The following RAB28 variants were observed in gnomAD, a reference collection of about 807,000 sequenced individuals.
RAB28 encodes ras-related protein Rab-28.
RAB28 carries 24 observed loss-of-function variants against 31.7 expected under a neutral mutation model. The observed-to-expected ratio is 0.76, with a 90% CI of 0.55 to 1.06. The LOEUF (loss-of-function observed/expected upper bound fraction) is 1.06. Among genes scored for constraint, RAB28 ranks in the 50% least tolerant of loss-of-function variants. The pLI is 0.00. For synonymous variants in RAB28, 100 were observed against 90.4 expected, an observed-to-expected ratio of 1.11 and a Z score of -0.60; for missense variants, 254 against 258.5, an observed-to-expected ratio of 0.98 and a Z score of 0.12.
intron 4 of RAB28, among the ~76,000 whole-genome samples, chr4:13,393,237 C>T (rs187904211): frequency 6.6e-6 from 1 of 152,262 alleles, no homozygotes; most frequent in African/African-American, 2.4e-5. Flanking sequence ...GAAAGTGATG[C>T]TTCAGTTACA....
chr4:13,449,265 T>C (rs1007309196), intron 4 of RAB28, among the ~76,000 whole-genome samples: 2 of 151,936 alleles, frequency 1.3e-5, no homozygotes, highest in African/African-American at 4.8e-5. Flanking sequence ...TTCACATGTC[T>C]ATTTTACAGA....
At chr4:13,460,625 G>C in intron 4 of RAB28, 74 bp downstream of exon 4, 1 of 1,572,418 alleles carries the variant, frequency 6.4e-7, no homozygotes, top group Non-Finnish European at 8.7e-7. Context: ...ATTGGGGGTG[G>C]TGGGGGGACA....
At chr4:13,371,336 C>T in intron 6 of RAB28, 3 of 985,232 alleles carry the variant, frequency 3.0e-6, no homozygotes, top group Non-Finnish European at 3.6e-6. Context: ...CATTATCTAA[C>T]CTCCCCAAAC....
chr4:13,472,241 G>A (rs1045099640), intron 3 of RAB28, among the ~76,000 whole-genome samples: 3 of 151,876 alleles, frequency 2.0e-5, no homozygotes, highest in African/African-American at 7.2e-5. Context: ...TCAAAATCCT[G>A]GGCTCAAGTG....
At chr4:13,453,177 G>A (rs957617938) in intron 4 of RAB28, among the ~76,000 whole-genome samples, 1 of 151,934 alleles carries the variant, frequency 6.6e-6, no homozygotes, top group Admixed American at 6.6e-5. Context: ...GTTTCTGGTA[G>A]GCAGCATATG....
At chr4:13,409,290 C>A (rs1432062372) in intron 4 of RAB28, among the ~76,000 whole-genome samples, 2 of 152,158 alleles carry the variant, frequency 1.3e-5, no homozygotes, top group East Asian at 1.9e-4. Context: ...AAAAGGTGCT[C>A]AAATTTCACA....
At position 13,368,075 on chromosome 4, in the gene RAB28, C is replaced by T. The variant is rs890823119; in HGVS notation, c.*483G>A. The T allele has an allele frequency of 3.0e-5, 29 of 977,940 alleles. No homozygotes were observed. The highest frequency in any genetic ancestry group is 3.2e-5 in the Non-Finnish European group (26 of 823,288). 60.6% of individuals were successfully genotyped at this position (977,940 alleles called of 1,614,324 possible). On this transcript the variant is annotated 3_prime_UTR_variant, in exon 7 of 7. Coordinates refer to ENST00000330852, the MANE Select transcript of RAB28 (RefSeq NM_001017979.3). ...AAACAGCTTTATATACTTTTACTCA[C>T]GATAGCGAAAGAATGTCTTCATAAG...
chr4:13,418,027 A>G (rs1560284807), intron 4 of RAB28, among the ~76,000 whole-genome samples: 1 of 152,224 alleles, frequency 6.6e-6, no homozygotes, highest in South Asian at 2.1e-4. Flanking sequence ...CGAATGGCTA[A>G]CTAGAATAAA....
At chr4:13,369,175 T>C (rs1728623018) in intron 6 of RAB28, among the ~76,000 whole-genome samples, 1 of 152,138 alleles carries the variant, frequency 6.6e-6, no homozygotes, top group African/African-American at 2.4e-5. Context: ...GAGCAACCCA[T>C]TTTTAAATCT....
chr4:13,371,239 G>A, intron 6 of RAB28: 3 of 985,322 alleles, frequency 3.0e-6, no homozygotes, highest in Non-Finnish European at 3.6e-6. Flanking sequence ...GATTTACTAG[G>A]CACTCTGCCT....
intron 4 of RAB28, among the ~76,000 whole-genome samples, chr4:13,453,839 G>A (rs1236054425): frequency 6.6e-6 from 1 of 152,082 alleles, no homozygotes; most frequent in South Asian, 2.1e-4. Flanking sequence ...CAGGTTCTTT[G>A]AGCTTCCTCG....
chr4:13,477,039 C>T (rs1376104982), intron 2 of RAB28, among the ~76,000 whole-genome samples: 2 of 151,414 alleles, frequency 1.3e-5, no homozygotes, highest in African/African-American at 2.4e-5. Flanking sequence ...CACAAGTCTG[C>T]CCACTTCTTG....
At chr4:13,401,054 G>A (rs781452103) in intron 4 of RAB28, among the ~76,000 whole-genome samples, 1 of 152,100 alleles carries the variant, frequency 6.6e-6, no homozygotes, top group Non-Finnish European at 1.5e-5. Context: ...GATTTTAATA[G>A]ATTATTATAT....
At chr4:13,418,828 G>A (rs1449644908) in intron 4 of RAB28, among the ~76,000 whole-genome samples, 1 of 152,174 alleles carries the variant, frequency 6.6e-6, no homozygotes, top group Non-Finnish European at 1.5e-5. Context: ...TCAATGCTAG[G>A]AAGAAACTGC....
At chr4:13,456,230 G>A (rs1172062436) in intron 4 of RAB28, among the ~76,000 whole-genome samples, 2 of 152,098 alleles carry the variant, frequency 1.3e-5, no homozygotes, top group Admixed American at 1.3e-4. Flanking sequence ...GGTGGGGTAG[G>A]GGAGAACAGA....
intron 1 of RAB28, among the ~76,000 whole-genome samples, chr4:13,480,020 A>G (rs1716540121): frequency 6.6e-6 from 1 of 151,642 alleles, no homozygotes; most frequent in South Asian, 2.1e-4. Flanking sequence ...CACCGTATGT[A>G]ATTTTTCTTT....
intron 4 of RAB28, among the ~76,000 whole-genome samples, chr4:13,418,008 G>C (rs1032143085): frequency 6.6e-6 from 1 of 152,166 alleles, no homozygotes; most frequent in African/African-American, 2.4e-5. Context: ...CTTGAAAAAA[G>C]ATTATAGACG....
chr4:13,416,519 A>G (rs150180163), intron 4 of RAB28, among the ~76,000 whole-genome samples: 1 of 152,340 alleles, frequency 6.6e-6, no homozygotes, highest in African/African-American at 2.4e-5. Flanking sequence ...TTTAAAAGAT[A>G]AATTCTAAGA....
chr4:13,419,292 A>G (rs1294606939), intron 4 of RAB28, among the ~76,000 whole-genome samples: 1 of 152,146 alleles, frequency 6.6e-6, no homozygotes, highest in Non-Finnish European at 1.5e-5. Flanking sequence ...CTACCACACA[A>G]TAATAATGGG....
Sources: allele counts gnomAD v4.1 joint callset (sites outside exome capture counted in the v4.1 genomes callset), GRCh38; gene constraint gnomAD v4.1.1; transcripts MANE v1.5; gene names NCBI Gene and HGNC (gene_info 2026-07-23, HGNC 2026-07-21).